Variants in RNF17 observed in about 807,000 individuals in gnomAD.
RNF17 encodes ring finger protein 17.
In RNF17, 31 loss-of-function variants were observed where a neutral mutation model predicts 200.5. That is an observed-to-expected ratio of 0.15 (90% CI 0.12 to 0.21). The LOEUF (loss-of-function observed/expected upper bound fraction) is 0.21, where lower values mean the gene tolerates loss of function less well. RNF17 is among the 10% of genes least tolerant of loss of function. RNF17 has a pLI of 1.00. For synonymous variants in RNF17, 606 were observed against 637.8 expected, an observed-to-expected ratio of 0.95 and a Z score of 0.75; for missense variants, 1,628 against 1,905.1, an observed-to-expected ratio of 0.85 and a Z score of 2.71.
intron 15 of RNF17, among the ~76,000 whole-genome samples, chr13:24,810,876 T>C (rs1471727636): frequency 6.7e-6 from 1 of 149,566 alleles, no homozygotes; most frequent in African/African-American, 2.5e-5. Context: ...GTCTGGAAAG[T>C]ATTTTATTTC....
At position 24,800,383 on chromosome 13, in the gene RNF17, T is replaced by G. The variant is rs776631506; in HGVS notation, c.1607T>G (p.Val536Gly). 1 of 1,598,124 alleles carries G rather than the reference T, an allele frequency of 6.3e-7. No homozygotes were observed. Among genetic ancestry groups the G allele is most frequent in the Non-Finnish European group, 8.5e-7 (1 of 1,170,388 alleles). Residue 536 changes from valine to glycine, a missense_variant, in exon 13 of 36, where the codon GTG (valine) becomes GGG (glycine). By Grantham distance (109) the Val-to-Gly change is moderately radical. Coordinates refer to ENST00000255324, the MANE Select transcript of RNF17 (RefSeq NM_031277.3). Reference protein sequence around the residue: ...LIVTGVVDTHVRPEHSAKQHI... With the variant: ...LIVTGVVDTHGRPEHSAKQHI... ...TCTCCTAGAGTTGTTGATACCCATGTGAGACCAGAACACTCTGCTAAGCAA... is the reference window on the plus strand; with the variant it reads ...TCTCCTAGAGTTGTTGATACCCATGGGAGACCAGAACACTCTGCTAAGCAA...
chr13:24,823,489 C>G (rs1888300874), intron 15 of RNF17, among the ~76,000 whole-genome samples: 1 of 152,170 alleles, frequency 6.6e-6, no homozygotes. Context: ...TTGGCTTGTA[C>G]TCAGCTAATG....
the RNF17 span, among the ~76,000 whole-genome samples, chr13:24,886,980 A>G: frequency 6.6e-6 from 1 of 152,182 alleles, no homozygotes; most frequent in Non-Finnish European, 1.5e-5. Flanking sequence ...CTCCAGGTGC[A>G]AGCACACTGT....
chr13:24,819,074 A>G (rs966090494), intron 15 of RNF17, among the ~76,000 whole-genome samples: 14 of 152,022 alleles, frequency 9.2e-5, no homozygotes, highest in African/African-American at 3.4e-4. Flanking sequence ...TATCTTAACC[A>G]TTTTTTAGTG....
chr13:24,830,333 C>T (rs1053021693), intron 16 of RNF17, 151 bp from the exon 17 acceptor site: 5 of 528,216 alleles, frequency 9.5e-6, no homozygotes, highest in Non-Finnish European at 6.7e-6. Context: ...TCGGGGTTCA[C>T]ATATTTGAAA....
At chr13:24,881,866 AGATAC>A (rs367630914), downstream of RNF17, among the ~76,000 whole-genome samples, 11 of 115,974 alleles carry the variant, frequency 9.5e-5, no homozygotes, top group African/African-American at 2.7e-4. Flanking sequence ...ATAGATATAT[AGATAC>A]ATCTATATAG....
chr13:24,803,789 C>G (rs1169513710), intron 14 of RNF17: 1 of 154,426 alleles, frequency 6.5e-6, no homozygotes, highest in African/African-American at 2.4e-5. Context: ...AGCTTTGAAT[C>G]TAAGTACGAC....
chr13:24,779,711 A>C lies in RNF17; in HGVS notation c.474A>C (p.Ala158=). Residue 158 remains alanine (A), a synonymous_variant, in exon 5 of 36, where the codon GCA becomes GCC. Transcript: ENST00000255324. ...AEEIDEALNT[A]HHSFEQLSIA... is the part of the protein sequence containing the mutation. ...AAATTGATGAAGCATTGAATACAGC[A>C]CACCATAGTTTCGAACAGTTAAGCA... The C allele has an allele frequency of 6.2e-7, 1 of 1,613,730 alleles. No individual in the cohort carries two copies. Among genetic ancestry groups the C allele is most frequent in the Non-Finnish European group, 8.5e-7 (1 of 1,179,782 alleles).
upstream of RNF17, among the ~76,000 whole-genome samples, chr13:24,760,154 A>G (rs1253172115): frequency 6.6e-6 from 1 of 152,132 alleles, no homozygotes; most frequent in Non-Finnish European, 1.5e-5. Flanking sequence ...AAATATATAT[A>G]TAGTCTTAGT....
At chr13:24,886,035 A>G in the RNF17 span, 1 of 371,796 alleles carries the variant, frequency 2.7e-6, no homozygotes, top group South Asian at 2.2e-5. Context: ...TAGTTAAAAC[A>G]TAAATGCCCT....
chr13:24,774,098 C>G (rs1314979043), intron 2 of RNF17, among the ~76,000 whole-genome samples: 1 of 152,132 alleles, frequency 6.6e-6, no homozygotes, highest in East Asian at 1.9e-4. Flanking sequence ...TTTTCTTCAT[C>G]TAGTGTCTGT....
At chr13:24,764,041 C>T (rs1249067230), upstream of RNF17, 1 of 601,276 alleles carries the variant, frequency 1.7e-6, no homozygotes, top group East Asian at 2.7e-5. Context: ...CCCAGGATAA[C>T]GGAAAACAGC....
In RNF17 at chr13:24,774,849, C is replaced by A; in HGVS notation, c.262C>A (p.Pro88Thr). 6.2e-7 allele frequency: 1 copy of A among 1,612,558 alleles called. No individual in the cohort carries two copies. Among genetic ancestry groups the A allele is most frequent in the Non-Finnish European group, 8.5e-7 (1 of 1,178,888 alleles). ...TAVNTRQRYYPMAGYIKEDSI... is the reference protein window; with the variant it reads ...TAVNTRQRYYTMAGYIKEDSI... The stretch of plus-strand genomic sequence containing the variant: ...TGTAAATACTAGACAACGCTACTAC[C>A]CAATGGCTGGATATATTAAGGAAGA... Residue 88 changes from proline to threonine, a missense_variant, in exon 3 of 36, where the codon CCA (proline) becomes ACA (threonine). Coordinates refer to ENST00000255324, the MANE Select transcript of RNF17 (RefSeq NM_031277.3).
chr13:24,874,383 G>C (rs1032732443), intron 33 of RNF17, 134 bp downstream of exon 33: 2 of 557,036 alleles, frequency 3.6e-6, no homozygotes, highest in Admixed American at 8.8e-5. Flanking sequence ...TTTTTTTCGT[G>C]TTAAAGTATA....
the RNF17 span, among the ~76,000 whole-genome samples, chr13:24,753,095 G>GATAT: frequency 0.016 from 2,396 of 152,268 alleles, 67 homozygotes; most frequent in African/African-American, 0.055. Context: ...TGTGGCTGAT[G>GATAT]ATATAAGGGG....
intron 13 of RNF17, among the ~76,000 whole-genome samples, chr13:24,801,828 ATCTT>A (rs1885278822): frequency 1.3e-5 from 2 of 152,204 alleles, no homozygotes; most frequent in Middle Eastern, 3.4e-3. Flanking sequence ...TCATTTTGAG[ATCTT>A]TCTTTATAAC....
chr13:24,857,056 CT>C (rs1892592603), intron 25 of RNF17, among the ~76,000 whole-genome samples: 1 of 152,102 alleles, frequency 6.6e-6, no homozygotes, highest in African/African-American at 2.4e-5. Context: ...ACTGGTAGAC[CT>C]TTTTAGAGTT....
At chr13:24,807,476 G>A (rs938085458) in intron 15 of RNF17, among the ~76,000 whole-genome samples, 48 of 152,216 alleles carry the variant, frequency 3.2e-4, no homozygotes, top group African/African-American at 7.2e-4. Flanking sequence ...CATAGCCTTC[G>A]CCCACTTTTT....
intron 18 of RNF17, among the ~76,000 whole-genome samples, chr13:24,832,988 C>G (rs572251235): frequency 3.5e-4 from 54 of 152,246 alleles, no homozygotes; most frequent in African/African-American, 1.2e-3. Flanking sequence ...TCAAGCGATC[C>G]TCCCTCCTCG....
Sources: allele counts gnomAD v4.1 joint callset (sites outside exome capture counted in the v4.1 genomes callset), GRCh38; gene constraint gnomAD v4.1.1; transcripts MANE v1.5; gene names NCBI Gene and HGNC (gene_info 2026-07-23, HGNC 2026-07-21).